Variants in RTL4 observed in about 807,000 individuals in gnomAD.
RTL4 encodes the protein retrotransposon Gag like 4, also known as retrotransposon Gag-like protein 4.
A neutral mutation model predicts 5.3 loss-of-function variants in RTL4; 4 were observed. The ratio of observed to expected loss-of-function variants is 0.75; its 90% CI spans 0.37 to 1.72. The LOEUF (loss-of-function observed/expected upper bound fraction) is 1.72, where lower values mean the gene tolerates loss of function less well. Among genes scored for constraint, RTL4 ranks in the 40% most tolerant of loss-of-function variants. RTL4 has a pLI of 0.04. For missense variants in RTL4, 260 were observed against 227.1 expected, an observed-to-expected ratio of 1.14 and a Z score of -0.93; for synonymous variants, 98 against 87.3, an observed-to-expected ratio of 1.12 and a Z score of -0.68.
the RTL4 span, among the ~76,000 whole-genome samples, chrX:112,427,141 G>A: frequency 2.7e-5 from 3 of 111,040 alleles, no homozygotes; most frequent in African/African-American, 9.8e-5. Context: ...TACAAGCAAA[G>A]AAAACTGAGG....
the RTL4 span, among the ~76,000 whole-genome samples, chrX:112,168,462 A>G: frequency 8.9e-6 from 1 of 111,773 alleles, no homozygotes; most frequent in Admixed American, 9.5e-5. Flanking sequence ...ACTGGGCTGC[A>G]TTCCCAGGAG....
the RTL4 span, among the ~76,000 whole-genome samples, chrX:112,187,005 G>T: frequency 8.9e-6 from 1 of 111,949 alleles, no homozygotes; most frequent in Non-Finnish European, 1.9e-5. Context: ...TTAGTTGTCA[G>T]TGGCTGAATT....
chrX:112,452,853 G>A (rs966634955), upstream of RTL4, among the ~76,000 whole-genome samples: 9 of 110,617 alleles, frequency 8.1e-5, no homozygotes, highest in Non-Finnish European at 1.5e-4. Flanking sequence ...CCAACATGGT[G>A]AAACTGTGTC....
the RTL4 span, among the ~76,000 whole-genome samples, chrX:112,360,459 G>A: frequency 9.0e-6 from 1 of 111,085 alleles, no homozygotes; most frequent in South Asian, 3.8e-4. Context: ...ACAGACTCCA[G>A]TTAACCATTG....
the RTL4 span, among the ~76,000 whole-genome samples, chrX:112,112,899 G>T: frequency 8.9e-6 from 1 of 111,762 alleles, no homozygotes; most frequent in African/African-American, 3.3e-5. Flanking sequence ...GTCCAGAACA[G>T]TGAACCATTC....
At chrX:112,416,540 T>A in the RTL4 span, among the ~76,000 whole-genome samples, 2 of 112,131 alleles carry the variant, frequency 1.8e-5, no homozygotes, top group Non-Finnish European at 3.8e-5. Context: ...AAGACTAATG[T>A]TTTTTCTACT....
At chrX:112,205,529 A>G in the RTL4 span, among the ~76,000 whole-genome samples, 1 of 111,409 alleles carries the variant, frequency 9.0e-6, no homozygotes, top group African/African-American at 3.3e-5. Flanking sequence ...TTGATTGATC[A>G]TCCTGAATAT....
the RTL4 span, among the ~76,000 whole-genome samples, chrX:112,325,127 C>T: frequency 9.0e-6 from 1 of 111,261 alleles, no homozygotes. Context: ...GAACTACAAA[C>T]CGCTGCTCGA....
At chrX:112,205,824 A>G in the RTL4 span, among the ~76,000 whole-genome samples, 5 of 112,257 alleles carry the variant, frequency 4.5e-5, no homozygotes, top group Non-Finnish European at 7.5e-5. Context: ...AGCCAAGTCA[A>G]TGAGAAAAGA....
At chrX:112,184,658 T>C in the RTL4 span, among the ~76,000 whole-genome samples, 1 of 112,080 alleles carries the variant, frequency 8.9e-6, no homozygotes, top group African/African-American at 3.2e-5. Flanking sequence ...CATTCTGCTA[T>C]TTGGTAAAAG....
the RTL4 span, among the ~76,000 whole-genome samples, chrX:112,167,514 A>C: frequency 9.0e-6 from 1 of 111,343 alleles, no homozygotes; most frequent in Non-Finnish European, 1.9e-5. Context: ...TCATATTTAC[A>C]TCACTGAAAC....
chrX:112,351,411 C>G, the RTL4 span, among the ~76,000 whole-genome samples: 426 of 109,404 alleles, frequency 3.9e-3, 2 homozygotes, highest in Non-Finnish European at 5.6e-3. Context: ...AGTTCAATTC[C>G]TGGGTATCCT....
chrX:112,296,625 T>G, the RTL4 span, among the ~76,000 whole-genome samples: 1 of 106,454 alleles, frequency 9.4e-6, no homozygotes, highest in African/African-American at 3.4e-5. Flanking sequence ...TTTTTTTTTT[T>G]TTGAGACAGA....
At chrX:112,199,741 A>C in the RTL4 span, among the ~76,000 whole-genome samples, 2 of 111,847 alleles carry the variant, frequency 1.8e-5, no homozygotes, top group Non-Finnish European at 3.8e-5. Flanking sequence ...GGGGCCCGCA[A>C]GCTCATTAAA....
At chrX:112,152,743 G>A in the RTL4 span, among the ~76,000 whole-genome samples, 1 of 111,883 alleles carries the variant, frequency 8.9e-6, no homozygotes, top group Non-Finnish European at 1.9e-5. Flanking sequence ...CCACTAGAGC[G>A]CTAGGCTTAA....
the RTL4 span, among the ~76,000 whole-genome samples, chrX:112,436,952 C>T: frequency 1.8e-5 from 2 of 111,703 alleles, no homozygotes; most frequent in South Asian, 3.7e-4. Context: ...ATTTTGGCTC[C>T]GTGATGGAGG....
At chrX:112,286,689 G>C in the RTL4 span, among the ~76,000 whole-genome samples, 1 of 111,622 alleles carries the variant, frequency 9.0e-6, no homozygotes, top group Non-Finnish European at 1.9e-5. Flanking sequence ...CAGAAACCTA[G>C]AAGTCATTCT....
the RTL4 span, among the ~76,000 whole-genome samples, chrX:112,393,194 T>G: frequency 4.9e-5 from 5 of 102,606 alleles, no homozygotes; most frequent in East Asian, 5.9e-4. Context: ...TTGTTTGTTT[T>G]TTGACAGTCT....
the RTL4 span, among the ~76,000 whole-genome samples, chrX:112,390,863 T>C: frequency 8.9e-6 from 1 of 112,198 alleles, no homozygotes; most frequent in African/African-American, 3.2e-5. Context: ...CTGTTGGCTG[T>C]TCTAGCAAGG....
Sources: allele counts gnomAD v4.1 joint callset (sites outside exome capture counted in the v4.1 genomes callset), GRCh38; gene constraint gnomAD v4.1.1; transcripts MANE v1.5; gene names NCBI Gene and HGNC (gene_info 2026-07-23, HGNC 2026-07-21).